TNRC6A: variants seen among roughly 807,000 people sequenced by gnomAD.
The protein encoded by TNRC6A is trinucleotide repeat containing adaptor 6A.
A neutral mutation model predicts 221.2 loss-of-function variants in TNRC6A; 44 were observed. The observed-to-expected ratio is 0.20, with a 90% CI of 0.16 to 0.26. TNRC6A has a LOEUF of 0.26. Ranked by LOEUF, TNRC6A falls within the 10% of genes least tolerant of loss-of-function variation. The probability of loss-of-function intolerance (pLI) is 1.00; values close to 1 mark genes in which losing one functional copy is unlikely to be tolerated. For synonymous variants in TNRC6A, 847 were observed against 838.5 expected, an observed-to-expected ratio of 1.01 and a Z score of -0.18; for missense variants, 2,199 against 2,404.4, an observed-to-expected ratio of 0.91 and a Z score of 1.79.
At chr16:24,623,368 T>C (rs969085163) in intron 1 of TNRC6A, among the ~76,000 whole-genome samples, 9 of 151,962 alleles carry the variant, frequency 5.9e-5, no homozygotes, top group South Asian at 4.1e-4. Context: ...CCAGAGAATT[T>C]TTTGTATTTT....
At chr16:24,658,664 G>C (rs1460038763) in intron 2 of TNRC6A, among the ~76,000 whole-genome samples, 1 of 151,376 alleles carries the variant, frequency 6.6e-6, no homozygotes, top group African/African-American at 2.4e-5. Context: ...CACCCACCCT[G>C]TTTCTAATGT....
chr16:24,805,389 A>G lies in TNRC6A; in HGVS notation c.4123-216A>G, dbSNP rs1474535374. The stretch of plus-strand genomic sequence containing the variant: ...CTTGAGAGTAGGACAAAAGCAAAGT[A>G]AAATTGACTAGTTTAAGATGCACCT... On this transcript the variant is annotated intron_variant, in intron 14 of 24. Coordinates refer to ENST00000395799, the MANE Select transcript of TNRC6A (RefSeq NM_014494.4). 4 of 902,044 alleles carry G rather than the reference A, an allele frequency of 4.4e-6. No individual in the cohort carries two copies. The African/African-American group carries it at 5.1e-5, about 11-fold the overall frequency. The allele number at this position is 902,044 out of a possible 1,614,324, so 55.9% of individuals were successfully genotyped here.
At chr16:24,649,231 T>C (rs1274288244) in intron 2 of TNRC6A, among the ~76,000 whole-genome samples, 1 of 152,234 alleles carries the variant, frequency 6.6e-6, no homozygotes, top group Non-Finnish European at 1.5e-5. Context: ...AATTGTGGAA[T>C]GGCTAAATCA....
At chr16:24,698,516 T>G (rs2055907610) in intron 2 of TNRC6A, among the ~76,000 whole-genome samples, 1 of 152,020 alleles carries the variant, frequency 6.6e-6, no homozygotes, top group South Asian at 2.1e-4. Context: ...CAGGGACCAT[T>G]ACAAGCACTG....
chr16:24,729,795 C>T lies in TNRC6A; in HGVS notation c.-47C>T, dbSNP rs1477631330. The T allele has an allele frequency of 7.1e-7, 1 of 1,404,894 alleles. No individual in the cohort carries two copies. Among genetic ancestry groups the T allele is most frequent in the Non-Finnish European group, 9.3e-7 (1 of 1,072,844 alleles). 87.0% of individuals were successfully genotyped at this position (1,404,894 alleles called of 1,614,324 possible). On this transcript the variant is annotated 5_prime_UTR_variant, in exon 1 of 25. Transcript: ENST00000395799. Reference sequence around the variant, plus strand: ...GCGGCGCTGCGGAGGGCTTGAGGCTCGCGAGCCTCCTTCGCCGCGCCCCAC... The same window carrying T: ...GCGGCGCTGCGGAGGGCTTGAGGCTTGCGAGCCTCCTTCGCCGCGCCCCAC...
rs749991052 is a variant in TNRC6A, at chr16:24,789,370, C to G, written c.728C>G (p.Pro243Arg). The change falls in exon 6 of 25, where the codon CCT (proline) becomes CGT (arginine). Residue 243 changes from proline (P) to arginine (R), a missense_variant. Pro to Arg is a moderately radical substitution (Grantham distance 103). Transcript: ENST00000395799. ...GAAAAAGAAGCATGGCCCTCAGCCC[C>G]TGGCAGTGATCCGGAGTTGGCTTCA... is the stretch of plus-strand genomic sequence containing the variant. ...LSEKEAWPSA[P>R]GSDPELASEC... 6 of 1,614,198 alleles carry G rather than the reference C, an allele frequency of 3.7e-6. No individual in the cohort carries two copies. Among genetic ancestry groups the G allele is most frequent in the Non-Finnish European group, 5.1e-6 (6 of 1,180,030 alleles).
rs115798406 is a variant in TNRC6A at position 24,774,373 on chromosome 16, G to A, written c.164-2560G>A. Among the ~76,000 whole-genome samples, 798 of 152,190 alleles carry A rather than the reference G, an allele frequency of 5.2e-3. 7 individuals carry two copies. The highest frequency in any genetic ancestry group is 0.018 in the African/African-American group (765 of 41,514). On this transcript the variant is annotated intron_variant, in intron 4 of 24. Coordinates refer to ENST00000395799, the MANE Select transcript of TNRC6A (RefSeq NM_014494.4). ...GGTTTTAATGAAGCTTTCTGGCCCC[G>A]GAAATGAATACCTATCTCAGCTTTG...
intron 4 of TNRC6A, among the ~76,000 whole-genome samples, chr16:24,771,359 A>G (rs1274340843): frequency 2.0e-5 from 3 of 152,176 alleles, no homozygotes; most frequent in Non-Finnish European, 4.4e-5. Context: ...CCATGGTCAT[A>G]TAGCTAGTAA....
chr16:24,650,459 G>A (rs1387924959), intron 2 of TNRC6A, among the ~76,000 whole-genome samples: 6 of 152,054 alleles, frequency 3.9e-5, no homozygotes, highest in Non-Finnish European at 8.8e-5. Flanking sequence ...GAGGACAGGA[G>A]TTTGAGACCA....
At position 24,823,821 on chromosome 16, in the gene TNRC6A, G is replaced by C. The variant is rs1270162234; in HGVS notation, c.*14G>C. The C allele has an allele frequency of 1.4e-6, 2 of 1,388,536 alleles. No homozygotes were observed. Among genetic ancestry groups the C allele is most frequent in the Non-Finnish European group, 9.4e-7 (1 of 1,066,916 alleles). The allele number at this position is 1,388,536 out of a possible 1,614,324, so 86.0% of individuals were successfully genotyped here. ...GAGTCCATGTAACAGTGTAGATGCA[G>C]ACTCACCGACCGGGACCTCAGACGC... is the stretch of plus-strand genomic sequence containing the variant. On this transcript the variant is annotated 3_prime_UTR_variant, in exon 25 of 25. Transcript: ENST00000395799. The surrounding 1 kb of genome is among the most constrained non-coding windows in gnomAD (Gnocchi z 4.3).
Position 24,789,280 on chromosome 16 carries a change from G to C in TNRC6A, c.638G>C (p.Gly213Ala). 6.2e-7 allele frequency: 1 copy of C among 1,612,930 alleles called. No homozygotes were observed. The highest frequency in any genetic ancestry group is 1.7e-5 in the Admixed American group (1 of 59,814). Residue 213 changes from glycine to alanine, a missense_variant, in exon 6 of 25, where the codon GGA becomes GCA. Coordinates refer to ENST00000395799, the MANE Select transcript of TNRC6A (RefSeq NM_014494.4). Reference protein sequence around the residue: ...SGSHYENSQRGPVSSTSDSST... With the variant: ...SGSHYENSQRAPVSSTSDSST... Reference sequence around the variant, plus strand: ...TCCCATTATGAAAATTCCCAGCGGGGACCTGTGTCTTCTACAAGTGATTCT... The same window carrying C: ...TCCCATTATGAAAATTCCCAGCGGGCACCTGTGTCTTCTACAAGTGATTCT...
chr16:24,790,434 C>G lies in TNRC6A; in HGVS notation c.1792C>G (p.Arg598Gly). 1.9e-6 allele frequency: 3 copies of G among 1,614,152 alleles called. No homozygotes were observed. The highest frequency in any genetic ancestry group is 2.5e-6 in the Non-Finnish European group (3 of 1,180,040). ...AAATGGCGCAAATTCTGGAGGAAGT[C>G]GAAGAGGATGGGGAACCCCTGCACA... Reference protein sequence around the residue: ...SGNGANSGGSRRGWGTPAQNT... With the variant: ...SGNGANSGGSGRGWGTPAQNT... The change falls in exon 6 of 25, where the codon CGA becomes GGA. Residue 598 changes from arginine to glycine, a missense_variant. By Grantham distance (125) the Arg-to-Gly change is moderately radical. Transcript: ENST00000395799.
chr16:24,796,406 A>T (rs1024467240), intron 9 of TNRC6A: 1 of 154,046 alleles, frequency 6.5e-6, no homozygotes, highest in Non-Finnish European at 1.4e-5. Context: ...AGTATGAAAT[A>T]TAAATTGGTG....
chr16:24,727,663 A>C (rs932763978), upstream of TNRC6A, among the ~76,000 whole-genome samples: 1 of 152,234 alleles, frequency 6.6e-6, no homozygotes, highest in Non-Finnish European at 1.5e-5. Flanking sequence ...GTTGATAAAT[A>C]TGACTGTTTT....
chr16:24,641,256 T>A (rs1271078697), intron 2 of TNRC6A, among the ~76,000 whole-genome samples: 1 of 152,196 alleles, frequency 6.6e-6, no homozygotes, highest in Non-Finnish European at 1.5e-5. Flanking sequence ...GGCCCTATCA[T>A]GTCCATCTCT....
At position 24,791,792 on chromosome 16, in the gene TNRC6A, A is replaced by G; in HGVS notation, c.3150A>G (p.Ser1050=). 6.4e-7 allele frequency: 1 copy of G among 1,564,146 alleles called. No homozygotes were observed. The highest frequency in any genetic ancestry group is 2.3e-5 in the East Asian group (1 of 43,330). The change falls in exon 6 of 25, where the codon TCA becomes TCG. Residue 1050 remains serine (S), a synonymous_variant. Coordinates refer to ENST00000395799, the MANE Select transcript of TNRC6A (RefSeq NM_014494.4). ...HQLLTPASAI[S]NKEASSGSGW... ...TGCTAACGCCTGCAAGTGCCATCTC[A>G]AACAAAGAGGCAAGCAGTGGCTCTG...
chr16:24,640,371 A>T (rs1031367609), intron 1 of TNRC6A, among the ~76,000 whole-genome samples: 2 of 150,420 alleles, frequency 1.3e-5, no homozygotes, highest in African/African-American at 4.9e-5. Context: ...CTGCACTCCA[A>T]CCTGGGTGAC....
Position 24,823,259 on chromosome 16 carries a change from AG to A in TNRC6A, c.5514-172del, listed in dbSNP as rs1034413006. Among the ~76,000 whole-genome samples, 2 of 152,124 alleles carry A rather than the reference AG, an allele frequency of 1.3e-5. No homozygotes were observed. The highest frequency in any genetic ancestry group is 2.9e-5 in the Non-Finnish European group (2 of 67,998). On this transcript the variant is annotated intron_variant, in intron 24 of 24. Coordinates refer to ENST00000395799, the MANE Select transcript of TNRC6A (RefSeq NM_014494.4). The surrounding 1 kb of genome is among the most constrained non-coding windows in gnomAD (Gnocchi z 4.3). ...CTGGGCAAGGCACCAGGCCCTGGAG[AG>A]CTGTGGGTGCACACTCGGGTGAAGG... is the stretch of plus-strand genomic sequence containing the variant.
At chr16:24,668,244 A>C (rs895079431) in intron 2 of TNRC6A, among the ~76,000 whole-genome samples, 5 of 151,784 alleles carry the variant, frequency 3.3e-5, no homozygotes, top group Admixed American at 2.0e-4. Flanking sequence ...AGGAGAATTG[A>C]TTGAACCCAG....
Sources: allele counts gnomAD v4.1 joint callset (sites outside exome capture counted in the v4.1 genomes callset), GRCh38; gene constraint gnomAD v4.1.1; non-coding constraint Gnocchi (gnomAD v3.1); transcripts MANE v1.5; gene names NCBI Gene and HGNC (gene_info 2026-07-23, HGNC 2026-07-21).